SLC6A16: variants seen among roughly 807,000 people sequenced by gnomAD.
SLC6A16 encodes orphan sodium- and chloride-dependent neurotransmitter transporter NTT5.
In SLC6A16, 54 loss-of-function variants were observed where a neutral mutation model predicts 65.4. The ratio of observed to expected loss-of-function variants is 0.83; its 90% CI spans 0.66 to 1.04. The LOEUF (loss-of-function observed/expected upper bound fraction) is 1.04. SLC6A16 is among the 50% of genes least tolerant of loss of function. The pLI, the probability that SLC6A16 is intolerant of heterozygous loss-of-function variation, is 0.00. For missense variants in SLC6A16, 816 were observed against 914.0 expected (o/e 0.89, Z 1.38); for synonymous variants, 330 against 346.5 (o/e 0.95, Z 0.53).
chr19:49,305,839 G>C (rs1473186474), intron 7 of SLC6A16: 1 of 152,056 alleles, frequency 6.6e-6, no homozygotes, highest in African/African-American at 2.4e-5. Context: ...TCATATCCCA[G>C]AAAAATGTGC....
At chr19:49,336,699 AAG>A in the SLC6A16 span, 1 of 555,094 alleles carries the variant, frequency 1.8e-6, no homozygotes, top group Non-Finnish European at 3.2e-6. Context: ...GGGTAAGAGG[AAG>A]AGAGACAGAG....
intron 1 of SLC6A16, among the ~76,000 whole-genome samples, chr19:49,313,912 C>T (rs947749338): frequency 4.6e-5 from 7 of 151,916 alleles, no homozygotes; most frequent in Middle Eastern, 3.2e-3. Context: ...CTGGCTAACA[C>T]GGTGAAACCC....
chr19:49,296,132 G>A (rs967407761), intron 7 of SLC6A16, among the ~76,000 whole-genome samples: 5 of 152,166 alleles, frequency 3.3e-5, no homozygotes, highest in Non-Finnish European at 4.4e-5. Context: ...TGGGACAGGC[G>A]TGCGCCACCA....
intron 1 of SLC6A16, among the ~76,000 whole-genome samples, chr19:49,316,468 C>T (rs1217147097): frequency 6.6e-6 from 1 of 152,112 alleles, no homozygotes; most frequent in South Asian, 2.1e-4. Flanking sequence ...GGAAACCAGT[C>T]TCTCAAAATA....
rs1469379625 is a variant in SLC6A16 at position 49,294,545 on chromosome 19, T to G, written c.1238A>C (p.Glu413Ala). The G allele has an allele frequency of 6.2e-7, 1 of 1,606,184 alleles. No homozygotes were observed. Among genetic ancestry groups the G allele is most frequent in the Non-Finnish European group, 8.5e-7 (1 of 1,176,172 alleles). ...ITHRCCERNA[E>A]ILLKLINLGK... ...TAGGTTTATCAGCTTTAAAAGTATT[T>G]CAGCATTCCTGGGGATAGAGGGTTG... is the stretch of plus-strand genomic sequence containing the variant. Residue 413 changes from glutamate to alanine, a missense_variant, in exon 8 of 12, where the codon GAA becomes GCA. Glu to Ala is a moderately radical substitution (Grantham distance 107, BLOSUM62 -1). Coordinates refer to ENST00000335875, the MANE Select transcript of SLC6A16 (RefSeq NM_014037.3).
At chr19:49,336,718 G>A in the SLC6A16 span, 1 of 581,190 alleles carries the variant, frequency 1.7e-6, no homozygotes, top group Non-Finnish European at 3.0e-6. Flanking sequence ...AGAGATCCAG[G>A]GACGGGAAAC....
At chr19:49,335,084 G>A in the SLC6A16 span, 693 of 163,036 alleles carry the variant, frequency 4.3e-3, 6 homozygotes, top group Middle Eastern at 9.6e-3. This position sits in a 1 kb window ranked among gnomAD's most constrained non-coding sequence, Gnocchi z 4.6. Flanking sequence ...AGACACAGCT[G>A]GATGCAGAGA....
At chr19:49,307,743 A>AAAAAAG (rs1568532260) in intron 7 of SLC6A16, among the ~76,000 whole-genome samples, 1 of 150,216 alleles carries the variant, frequency 6.7e-6, no homozygotes, top group African/African-American at 2.5e-5. Context: ...AGAAAAAGAA[A>AAAAAAG]AAAAAGAAAA....
At chr19:49,330,866 C>T in the SLC6A16 span, among the ~76,000 whole-genome samples, 2 of 150,994 alleles carry the variant, frequency 1.3e-5, no homozygotes, top group African/African-American at 2.4e-5. Flanking sequence ...CGCTTGAACC[C>T]GGGAAGCAGA....
Position 49,311,155 on chromosome 19 carries a change from G to C in SLC6A16, c.193C>G (p.Gln65Glu), listed in dbSNP as rs370814054. ...TCCAATACAGAAATTTGCTTGGGCT[G>C]ACTGGTCCTGGCCTGAGCCTCTGCA... The part of the protein sequence containing the change: ...RVAEAQARTS[Q>E]PKQISVLEAL... The change falls in exon 2 of 12, where the codon CAG (glutamine) becomes GAG (glutamate). Residue 65 changes from glutamine to glutamate, a missense_variant. By Grantham distance (29) the Gln-to-Glu change is conservative. Coordinates refer to ENST00000335875, the MANE Select transcript of SLC6A16 (RefSeq NM_014037.3). The C allele has an allele frequency of 5.6e-6, 9 of 1,614,062 alleles. No individual in the cohort carries two copies. In the African/African-American group the frequency reaches 1.2e-4, roughly 22 times the overall value.
Position 49,294,348 on chromosome 19 carries a change from C to CT in SLC6A16, c.1416+18dup. On this transcript the variant is annotated intron_variant, in intron 8 of 11. Coordinates refer to ENST00000335875, the MANE Select transcript of SLC6A16 (RefSeq NM_014037.3). ...GCTTTCAGGAACTCTAGGCTCCCCCCTCAGCTATGTTTACTGACCTTAAGA... is the reference window on the plus strand; with the variant it reads ...GCTTTCAGGAACTCTAGGCTCCCCCCTTCAGCTATGTTTACTGACCTTAAGA... 1 of 1,611,832 alleles carries CT rather than the reference C, an allele frequency of 6.2e-7. No homozygotes were observed. The highest frequency in any genetic ancestry group is 8.5e-7 in the Non-Finnish European group (1 of 1,178,732).
Position 49,290,300 on chromosome 19 carries a change from A to G in SLC6A16, c.2034T>C (p.Phe678=). The stretch of plus-strand genomic sequence containing the variant: ...GAATCCTATGTATGCGGCAGTATAC[A>G]AAGTATGCAGGGATGGGGAGGATGA... ...AIVILPIPAY[F]VYCRIHRIPF... Residue 678 remains phenylalanine (F), a synonymous_variant, in exon 12 of 12, where the codon TTT becomes TTC. Coordinates refer to ENST00000335875, the MANE Select transcript of SLC6A16 (RefSeq NM_014037.3). The G allele has an allele frequency of 6.2e-7, 1 of 1,614,160 alleles. No homozygotes were observed. Among genetic ancestry groups the G allele is most frequent in the Non-Finnish European group, 8.5e-7 (1 of 1,180,026 alleles).
chr19:49,325,106 T>C lies in SLC6A16; in HGVS notation c.-123A>G, dbSNP rs971729663. 3.0e-5 allele frequency: 30 copies of C among 985,450 alleles called. No individual in the cohort carries two copies. The highest frequency in any genetic ancestry group is 5.2e-5 in the African/African-American group (3 of 57,242). 61.0% of individuals were successfully genotyped at this position (985,450 alleles called of 1,614,324 possible). A position where few individuals can be genotyped will look rare whatever the true frequency, so the allele number is the denominator to read the frequency against. ...CCAGCCAGTCGGACAAAAATGAGGG[T>C]GAAGAAGCCCCAGCTGAGAAGCCTA... On this transcript the variant is annotated 5_prime_UTR_variant, in exon 1 of 12. Transcript: ENST00000335875.
In SLC6A16 at chr19:49,308,901, C is replaced by T. The variant is rs952299791; in HGVS notation, c.1204G>A (p.Val402Ile). The T allele has an allele frequency of 2.5e-6, 4 of 1,614,146 alleles. No individual in the cohort carries two copies. The highest frequency in any genetic ancestry group is 2.2e-5 in the East Asian group (1 of 44,882). The change falls in exon 7 of 12, where the codon GTC (valine) becomes ATC (isoleucine). Residue 402 changes from valine (V) to isoleucine (I), a missense_variant. Val to Ile is a conservative substitution (Grantham distance 29). Transcript: ENST00000335875. The stretch of plus-strand genomic sequence containing the variant: ...CTCTCACAGCAGCGATGTGTGATGA[C>T]TGTCGCCCAGAAGCCCAGGACACAG... ...NFCVLGFWAT[V>I]ITHRCCERNA...
Position 49,290,219 on chromosome 19 carries a change from T to C in SLC6A16, c.2115A>G (p.Leu705=). The change falls in exon 12 of 12, where the codon CTA becomes CTG. Residue 705 remains leucine, a synonymous_variant. Coordinates refer to ENST00000335875, the MANE Select transcript of SLC6A16 (RefSeq NM_014037.3). The part of the protein sequence containing the change: ...GPMTASTSLP[L]SHQLTPSKEV... ...CTTTACTGGGTGTTAGCTGGTGACT[T>C]AGGGGTAGGGATGTGGAGGCTGTCA... The C allele has an allele frequency of 6.2e-7, 1 of 1,614,086 alleles. No individual in the cohort carries two copies. The highest frequency in any genetic ancestry group is 8.5e-7 in the Non-Finnish European group (1 of 1,180,002).
At chr19:49,323,583 A>G (rs1416309339) in intron 1 of SLC6A16, among the ~76,000 whole-genome samples, 2 of 152,258 alleles carry the variant, frequency 1.3e-5, no homozygotes, top group Non-Finnish European at 2.9e-5. Context: ...AGGAAGATAT[A>G]CCAATCTCCA....
chr19:49,297,006 T>G (rs1970199494), intron 7 of SLC6A16, among the ~76,000 whole-genome samples: 1 of 151,940 alleles, frequency 6.6e-6, no homozygotes, highest in Non-Finnish European at 1.5e-5. Context: ...ATATATATAT[T>G]TGCAACTTTG....
chr19:49,290,792 G>A (rs770511648), intron 10 of SLC6A16, 25 bp from the exon 11 acceptor site: 4 of 1,587,616 alleles, frequency 2.5e-6, no homozygotes, highest in Admixed American at 1.8e-5. Context: ...CCAGAGTGTG[G>A]GATGCCCAGT....
chr19:49,310,619 C>T lies in SLC6A16; in HGVS notation c.416-109G>A, dbSNP rs544412703. The stretch of plus-strand genomic sequence containing the variant: ...CTACCAGCGACCTCTTCCAGGGCCA[C>T]AGGCATCAGGGCTCACCCATGTCTA... On this transcript the variant is annotated intron_variant, in intron 2 of 11. Transcript: ENST00000335875. The T allele has an allele frequency of 1.3e-4, 152 of 1,183,606 alleles. 1 individual carries two copies. The South Asian group carries it at 2.1e-3, about 16-fold the overall frequency. 73.3% of individuals were successfully genotyped at this position (1,183,606 alleles called of 1,614,324 possible).
Sources: allele counts gnomAD v4.1 joint callset (sites outside exome capture counted in the v4.1 genomes callset), GRCh38; gene constraint gnomAD v4.1.1; non-coding constraint Gnocchi (gnomAD v3.1); transcripts MANE v1.5; gene names NCBI Gene and HGNC (gene_info 2026-07-23, HGNC 2026-07-21).